The following CCSER1 variants were observed in gnomAD, a reference collection of about 807,000 sequenced individuals.
CCSER1 encodes the protein serine-rich coiled-coil domain-containing protein 1.
Under a neutral mutation model 82.0 loss-of-function variants are expected in CCSER1, and 41 were observed. The observed-to-expected ratio is 0.50, with a 90% CI of 0.39 to 0.65. The LOEUF (loss-of-function observed/expected upper bound fraction) is 0.65. Among genes scored for constraint, CCSER1 ranks in the 30% least tolerant of loss-of-function variants. The pLI is 0.00. For synonymous variants in CCSER1, 414 were observed against 383.9 expected (o/e 1.08, Z -0.92); for missense variants, 1,119 against 1,064.2 (o/e 1.05, Z -0.72).
intron 10 of CCSER1, among the ~76,000 whole-genome samples, chr4:91,375,462 A>G (rs2149329433): frequency 6.6e-6 from 1 of 152,230 alleles, no homozygotes; most frequent in Middle Eastern, 3.4e-3. Flanking sequence ...ATTACACACT[A>G]CAGAGAAATT....
chr4:90,781,721 T>C, intron 7 of CCSER1: 1 of 969,326 alleles, frequency 1.0e-6, no homozygotes, highest in Non-Finnish European at 1.2e-6. Flanking sequence ...TTCCCAGTTT[T>C]ATATAGCCAT....
Position 90,309,195 on chromosome 4 carries a change from C to T in CCSER1, c.911C>T (p.Thr304Ile). Residue 304 changes from threonine (T) to isoleucine (I), a missense_variant, in exon 2 of 11, where the codon ACA becomes ATA. Physicochemically the swap from Thr to Ile is moderately conservative, Grantham distance 89. Transcript: ENST00000509176. ...ATGTCCCTCAATTCTGCTGCTGTTA[C>T]AAAGACAACAACAGAACTTACGGGA... is the stretch of plus-strand genomic sequence containing the variant. ...SQMSLNSAAVTKTTTELTGTV... is the reference protein window; with the variant it reads ...SQMSLNSAAVIKTTTELTGTV... 1 of 1,613,892 alleles carries T rather than the reference C, an allele frequency of 6.2e-7. No homozygotes were observed. The highest frequency in any genetic ancestry group is 1.3e-5 in the African/African-American group (1 of 75,036).
intron 3 of CCSER1, among the ~76,000 whole-genome samples, chr4:90,374,131 G>C (rs1369370135): frequency 6.6e-6 from 1 of 152,086 alleles, no homozygotes; most frequent in Admixed American, 6.6e-5. Flanking sequence ...TGACAGTTTT[G>C]GCTATGAGGA....
At chr4:91,340,851 C>G in intron 10 of CCSER1, among the ~76,000 whole-genome samples, 1 of 152,048 alleles carries the variant, frequency 6.6e-6, no homozygotes, top group Admixed American at 6.6e-5. Context: ...TAAAATAGAG[C>G]CAGTGTTTCT....
rs948178331 is a variant in CCSER1, at chr4:91,083,107, A to C, written c.2173-2843A>C. 9.2e-5 allele frequency among the ~76,000 whole-genome samples: 14 copies of C among 152,290 alleles called. No individual in the cohort carries two copies. The East Asian group carries it at 1.5e-3, about 17-fold the overall frequency. ...AATCATGCTGCTATAAAGACACATG[A>C]ACACGTATGTTTATTGTGGCACTAT... On this transcript the variant is annotated intron_variant, in intron 9 of 10. Transcript: ENST00000509176.
chr4:90,158,260 T>C (rs1211588960), intron 1 of CCSER1, among the ~76,000 whole-genome samples: 2 of 152,024 alleles, frequency 1.3e-5, no homozygotes, highest in Admixed American at 6.6e-5. Context: ...GAGTACCTGG[T>C]CGTGTGAGGT....
chr4:91,324,554 C>T (rs1422163110), intron 10 of CCSER1, among the ~76,000 whole-genome samples: 1 of 152,010 alleles, frequency 6.6e-6, no homozygotes, highest in African/African-American at 2.4e-5. Flanking sequence ...TTTAAGAATA[C>T]AGTAGTTTAT....
intron 1 of CCSER1, among the ~76,000 whole-genome samples, chr4:90,248,421 C>T (rs1721818173): frequency 1.3e-5 from 2 of 152,126 alleles, no homozygotes; most frequent in Non-Finnish European, 2.9e-5. Context: ...GTGGGTTTTG[C>T]TTTGCTGGTC....
rs557792032 is a variant in CCSER1 at position 91,122,929 on chromosome 4, A to G, written c.2217+36935A>G. Among the ~76,000 whole-genome samples, 19 of 151,844 alleles carry G rather than the reference A, an allele frequency of 1.3e-4. No homozygotes were observed. The East Asian group carries it at 3.5e-3, about 28-fold the overall frequency. On this transcript the variant is annotated intron_variant, in intron 10 of 10. Transcript: ENST00000509176. ...ATGTATAATTTTCTGAATCAATTCT[A>G]TTGCATTACTTCAAATGATTTTATT...
At chr4:90,937,861 A>G (rs1036870178) in intron 9 of CCSER1, among the ~76,000 whole-genome samples, 1 of 152,108 alleles carries the variant, frequency 6.6e-6, no homozygotes, top group African/African-American at 2.4e-5. Flanking sequence ...AGTTCTATTT[A>G]ACCTACCTTT....
chr4:90,308,727 T>A lies in CCSER1; in HGVS notation c.443T>A (p.Phe148Tyr), dbSNP rs777629970. Reference protein sequence around the residue: ...EKEHSTNKNVFINCLSSGKSE... With the variant: ...EKEHSTNKNVYINCLSSGKSE... ...GAGCACTCAACTAACAAGAATGTCT[T>A]TATAAATTGTCTAAGTTCTGGCAAA... Residue 148 changes from phenylalanine to tyrosine, a missense_variant, in exon 2 of 11, where the codon TTT becomes TAT. Phe to Tyr is a conservative substitution (Grantham distance 22). Transcript: ENST00000509176. The A allele has an allele frequency of 6.2e-7, 1 of 1,613,746 alleles. No individual in the cohort carries two copies. Among genetic ancestry groups the A allele is most frequent in the Non-Finnish European group, 8.5e-7 (1 of 1,179,802 alleles).
At position 90,378,080 on chromosome 4, in the gene CCSER1, A is replaced by G. The variant is rs529252678; in HGVS notation, c.1510-21956A>G. 6.6e-4 allele frequency among the ~76,000 whole-genome samples: 100 copies of G among 152,268 alleles called. 2 individuals carry two copies. In the South Asian group the frequency reaches 0.021, roughly 32 times the overall value. The stretch of plus-strand genomic sequence containing the variant: ...TTTGGCAAGTATTTATGGAACATGT[A>G]TTATTTATTGAACAATGCTTTTCAG... On this transcript the variant is annotated intron_variant, in intron 3 of 10. Transcript: ENST00000509176.
At chr4:90,216,799 C>T (rs1299877324) in intron 1 of CCSER1, among the ~76,000 whole-genome samples, 2 of 152,092 alleles carry the variant, frequency 1.3e-5, no homozygotes, top group Non-Finnish European at 2.9e-5. Context: ...CATTTTTCTT[C>T]TAATTCTGTG....
chr4:91,146,746 C>G (rs1245949111), intron 10 of CCSER1, among the ~76,000 whole-genome samples: 1 of 151,984 alleles, frequency 6.6e-6, no homozygotes, highest in Non-Finnish European at 1.5e-5. Context: ...TTGATAGTTT[C>G]CTTCATGGGC....
chr4:91,036,665 A>C (rs1741457228), intron 9 of CCSER1, among the ~76,000 whole-genome samples: 1 of 152,212 alleles, frequency 6.6e-6, no homozygotes, highest in Non-Finnish European at 1.5e-5. Context: ...TAAAACCAGA[A>C]ATATTAAAAA....
chr4:91,334,062 TA>T (rs1747145108), intron 10 of CCSER1, among the ~76,000 whole-genome samples: 1 of 152,104 alleles, frequency 6.6e-6, no homozygotes, highest in Non-Finnish European at 1.5e-5. Context: ...TTAAACACTT[TA>T]AAAAGTTATA....
intron 4 of CCSER1, among the ~76,000 whole-genome samples, chr4:90,421,553 G>A (rs1431628069): frequency 6.6e-6 from 1 of 152,130 alleles, no homozygotes; most frequent in African/African-American, 2.4e-5. Flanking sequence ...TTCTGTAGAG[G>A]AAAGTACAAG....
chr4:90,490,120 C>T (rs1767747033), intron 5 of CCSER1, among the ~76,000 whole-genome samples: 1 of 152,066 alleles, frequency 6.6e-6, no homozygotes, highest in African/African-American at 2.4e-5. Context: ...ATGGTTGAAC[C>T]AGTTTACAGT....
chr4:90,409,084 A>G (rs549423785), intron 4 of CCSER1, among the ~76,000 whole-genome samples: 116 of 152,294 alleles, frequency 7.6e-4, no homozygotes, highest in African/African-American at 2.6e-3. Flanking sequence ...TAGAGAAAAA[A>G]GAATAAAAAG....
Sources: allele counts gnomAD v4.1 joint callset (sites outside exome capture counted in the v4.1 genomes callset), GRCh38; gene constraint gnomAD v4.1.1; transcripts MANE v1.5; gene names NCBI Gene and HGNC (gene_info 2026-07-23, HGNC 2026-07-21).